IFI16: variants seen among roughly 807,000 people sequenced by gnomAD.
IFI16 encodes interferon gamma inducible protein 16, also known as gamma-interferon-inducible protein 16.
Under a neutral mutation model 68.4 loss-of-function variants are expected in IFI16, and 49 were observed. That is an observed-to-expected ratio of 0.72 (90% CI 0.57 to 0.91). IFI16 has a LOEUF of 0.91. Among genes scored for constraint, IFI16 ranks in the 40% least tolerant of loss-of-function variants. The pLI, the probability that IFI16 is intolerant of heterozygous loss-of-function variation, is 0.00. For missense variants in IFI16, 878 were observed against 942.9 expected, an observed-to-expected ratio of 0.93 and a Z score of 0.90; for synonymous variants, 307 against 315.0, an observed-to-expected ratio of 0.97 and a Z score of 0.27.
chr1:159,053,756 A>G (rs546871223), intron 11 of IFI16, 32 bp downstream of exon 11: 2 of 1,538,956 alleles, frequency 1.3e-6, no homozygotes, highest in East Asian at 4.5e-5. Flanking sequence ...CATTTTTCCA[A>G]GTGGCGAATC....
upstream of IFI16, among the ~76,000 whole-genome samples, chr1:159,008,792 T>TA (rs1353842158): frequency 6.6e-6 from 1 of 152,232 alleles, no homozygotes; most frequent in African/African-American, 2.4e-5. Context: ...TTGATAAAGT[T>TA]ATTCATATGG....
At chr1:159,020,252 T>C in intron 5 of IFI16, 89 bp from the exon 6 acceptor site, 1 of 907,722 alleles carries the variant, frequency 1.1e-6, no homozygotes, top group Admixed American at 2.4e-5. Context: ...GTTGTGCATC[T>C]TGTTTAACTC....
At chr1:159,001,363 G>A (rs1000931902), upstream of IFI16, among the ~76,000 whole-genome samples, 6 of 152,142 alleles carry the variant, frequency 3.9e-5, no homozygotes, top group African/African-American at 1.2e-4. Flanking sequence ...GACTTTTAGG[G>A]GAGGCTCCCA....
At chr1:159,054,713 T>C (rs1439520906) in intron 11 of IFI16, 108 bp from the exon 12 acceptor site, 5 of 590,870 alleles carry the variant, frequency 8.5e-6, no homozygotes, top group Non-Finnish European at 1.6e-5. Context: ...TAGAAAGGAA[T>C]AGGGGAAGAG....
intron 6 of IFI16, among the ~76,000 whole-genome samples, chr1:159,030,166 T>C (rs1425805552): frequency 4.8e-5 from 4 of 82,730 alleles, no homozygotes; most frequent in Non-Finnish European, 8.7e-5. Flanking sequence ...TTTTTTATGC[T>C]CTCTATTTTT....
intron 9 of IFI16, among the ~76,000 whole-genome samples, chr1:159,051,091 G>A (rs954917998): frequency 2.0e-5 from 3 of 152,016 alleles, no homozygotes; most frequent in African/African-American, 7.2e-5. Context: ...TTAGGCAGGA[G>A]GGAACTTTTC....
At chr1:159,020,662 A>G (rs909874814) in intron 6 of IFI16, 133 bp downstream of exon 6, 2 of 548,530 alleles carry the variant, frequency 3.6e-6, no homozygotes, top group Admixed American at 7.0e-5. Context: ...TTCTCCTTGT[A>G]TTCACATTTA....
At chr1:159,051,301 G>T (rs950893433) in intron 9 of IFI16, among the ~76,000 whole-genome samples, 2 of 152,084 alleles carry the variant, frequency 1.3e-5, no homozygotes, top group African/African-American at 4.8e-5. Context: ...GGGTAGAAAG[G>T]AGTAAAACTG....
At chr1:159,019,022 AC>A (rs1264201045) in intron 5 of IFI16, among the ~76,000 whole-genome samples, 1 of 152,190 alleles carries the variant, frequency 6.6e-6, no homozygotes, top group Non-Finnish European at 1.5e-5. Context: ...CATAAAAATC[AC>A]ATTATTTTTA....
intron 7 of IFI16, among the ~76,000 whole-genome samples, chr1:159,033,253 C>G (rs1252443443): frequency 6.6e-6 from 1 of 152,150 alleles, no homozygotes; most frequent in African/African-American, 2.4e-5. Context: ...TCCTCCCATT[C>G]TTTGCTTTCA....
rs368604247 is a variant in IFI16, at chr1:159,021,140, C to T, written c.1161+611C>T. 6.2e-4 allele frequency among the ~76,000 whole-genome samples: 95 copies of T among 152,200 alleles called. 3 individuals are homozygous for T. In the South Asian group the frequency reaches 0.017, roughly 27 times the overall value. ...GGTTTTTGGGAAACAGGTGGTGCTTCGTTATAGGAATAAGTTCTTTAGTGG... is the reference window on the plus strand; with the variant it reads ...GGTTTTTGGGAAACAGGTGGTGCTTTGTTATAGGAATAAGTTCTTTAGTGG... On this transcript the variant is annotated intron_variant, in intron 6 of 11. Coordinates refer to ENST00000295809, the MANE Select transcript of IFI16 (RefSeq NM_001376587.1).
Position 159,051,870 on chromosome 1 carries a change from C to G in IFI16, c.1857C>G (p.Asp619Glu). ...EVFRVKVFNI[D>E]LKEKFTPKKI... ...TCCGAGTGAAGGTTTTTAATATTGACCTAAAGGAGAAGTTCACCCCAAAGA... is the reference window on the plus strand; with the variant it reads ...TCCGAGTGAAGGTTTTTAATATTGAGCTAAAGGAGAAGTTCACCCCAAAGA... The change falls in exon 10 of 12, where the codon GAC becomes GAG. Residue 619 changes from aspartate to glutamate, a missense_variant. This residue lies in a region of IFI16 where 311 missense variants were observed against 305.1 expected (regional missense o/e 1.02). Transcript: ENST00000295809. The G allele has an allele frequency of 6.2e-7, 1 of 1,613,924 alleles. No homozygotes were observed. Among genetic ancestry groups the G allele is most frequent in the Admixed American group, 1.7e-5 (1 of 60,006 alleles).
intron 7 of IFI16, among the ~76,000 whole-genome samples, chr1:159,041,838 A>AT (rs1654665197): frequency 7.9e-5 from 12 of 152,348 alleles, no homozygotes; most frequent in East Asian, 7.7e-4. Context: ...TGAAAAAATC[A>AT]TATATGGAGC....
At chr1:159,037,445 G>C (rs72709525) in intron 7 of IFI16, among the ~76,000 whole-genome samples, 1 of 152,060 alleles carries the variant, frequency 6.6e-6, no homozygotes, top group Non-Finnish European at 1.5e-5. Flanking sequence ...TATGATATGC[G>C]TTCATTGTGC....
chr1:159,019,938 C>CT (rs925714667), intron 5 of IFI16, among the ~76,000 whole-genome samples: 7 of 152,274 alleles, frequency 4.6e-5, no homozygotes, highest in African/African-American at 1.7e-4. Flanking sequence ...CAGAAGCTTG[C>CT]TTTTTCTTAC....
At chr1:159,027,479 T>C (rs1653743253) in intron 6 of IFI16, among the ~76,000 whole-genome samples, 1 of 152,174 alleles carries the variant, frequency 6.6e-6, no homozygotes, top group Admixed American at 6.5e-5. Context: ...TATTGGTCTG[T>C]AGTTTTTTTG....
rs779379261 is a variant in IFI16, at chr1:159,051,847, C to T, written c.1834C>T (p.Arg612Ter). Reference protein sequence around the residue: ...ATVATENEVFRVKVFNIDLKE... With the variant: ...ATVATENEVF Reference sequence around the variant, plus strand: ...AGTGGCAACTGAGAATGAAGTCTTCCGAGTGAAGGTTTTTAATATTGACCT... The same window carrying T: ...AGTGGCAACTGAGAATGAAGTCTTCTGAGTGAAGGTTTTTAATATTGACCT... The change falls in exon 10 of 12, where the codon CGA becomes TGA. Residue 612 changes from arginine (R) to a stop codon, truncating the protein, a stop_gained. Coordinates refer to ENST00000295809, the MANE Select transcript of IFI16 (RefSeq NM_001376587.1). LOFTEE classifies it high-confidence loss of function. 2.4e-5 allele frequency: 39 copies of T among 1,613,920 alleles called. No individual in the cohort carries two copies. The highest frequency in any genetic ancestry group is 3.1e-5 in the Non-Finnish European group (37 of 1,179,942).
chr1:159,029,215 G>T (rs1653848253), intron 6 of IFI16, among the ~76,000 whole-genome samples: 1 of 152,140 alleles, frequency 6.6e-6, no homozygotes, highest in South Asian at 2.1e-4. Flanking sequence ...CTCAGCATTT[G>T]TTTGTCTGAA....
chr1:159,034,547 A>C (rs74122230), intron 7 of IFI16, among the ~76,000 whole-genome samples: 1 of 152,092 alleles, frequency 6.6e-6, no homozygotes, highest in African/African-American at 2.4e-5. Context: ...TAAAATATCG[A>C]TGGTCTTTTC....
Sources: gnomAD v4.1 joint callset for allele counts (sites outside exome capture counted in the v4.1 genomes callset) on GRCh38, gnomAD v4.1.1 for gene constraint, gnomAD v4.1.1 regional missense constraint, MANE v1.5 for transcripts, NCBI Gene and HGNC (gene_info 2026-07-23, HGNC 2026-07-21) for gene names.